GLIS3: variants seen among roughly 807,000 people sequenced by gnomAD.
GLIS3 encodes the protein zinc finger protein GLIS3.
In GLIS3, 53 loss-of-function variants were observed where a neutral mutation model predicts 78.6. The ratio of observed to expected loss-of-function variants is 0.67; its 90% CI spans 0.54 to 0.85. The LOEUF (loss-of-function observed/expected upper bound fraction) is 0.85. Ranked by LOEUF, GLIS3 falls within the 40% of genes least tolerant of loss-of-function variation. The probability of loss-of-function intolerance (pLI) is 0.00; values close to 1 mark genes in which losing one functional copy is unlikely to be tolerated. For missense variants in GLIS3, 1,703 were observed against 1,231.1 expected, an observed-to-expected ratio of 1.38 and a Z score of -5.74; for synonymous variants, 684 against 509.9, an observed-to-expected ratio of 1.34 and a Z score of -4.60.
chr9:4,419,106 C>T, the GLIS3 span, among the ~76,000 whole-genome samples: 139,793 of 152,244 alleles, frequency 0.92, 64,695 homozygotes, highest in Non-Finnish European at 0.99. Context: ...TAAAATATCT[C>T]AGAATTAGTT....
At chr9:3,865,507 C>T (rs182343397) in intron 8 of GLIS3, among the ~76,000 whole-genome samples, 8 of 152,266 alleles carry the variant, frequency 5.3e-5, no homozygotes, top group Middle Eastern at 3.4e-3. Context: ...ATATATGACT[C>T]GCTGTTTCAG....
At chr9:4,331,367 A>C (rs1332878900) in intron 2 of GLIS3, among the ~76,000 whole-genome samples, 1 of 145,858 alleles carries the variant, frequency 6.9e-6, no homozygotes, top group East Asian at 2.0e-4. Context: ...CTACAACCTC[A>C]TCTTAACTAA....
intron 2 of GLIS3, among the ~76,000 whole-genome samples, chr9:4,319,466 T>C (rs1817488904): frequency 6.6e-6 from 1 of 152,238 alleles, no homozygotes; most frequent in South Asian, 2.1e-4. Context: ...TAAGAAATGA[T>C]TTTAAACATT....
At chr9:4,249,019 T>G (rs899572457) in intron 2 of GLIS3, among the ~76,000 whole-genome samples, 1 of 152,232 alleles carries the variant, frequency 6.6e-6, no homozygotes, top group Non-Finnish European at 1.5e-5. Context: ...CCATGCTGTT[T>G]TGGTTACTAT....
chr9:4,164,148 G>A (rs1205443250), intron 2 of GLIS3, among the ~76,000 whole-genome samples: 2 of 152,142 alleles, frequency 1.3e-5, no homozygotes, highest in East Asian at 3.9e-4. Context: ...AAATGACAGT[G>A]GGTCATTTAG....
chr9:4,274,269 A>C (rs548994515), intron 2 of GLIS3, among the ~76,000 whole-genome samples: 1 of 152,192 alleles, frequency 6.6e-6, no homozygotes, highest in South Asian at 2.1e-4. Flanking sequence ...ACCAGTGCCA[A>C]ACAAAAATGC....
chr9:3,862,750 T>C (rs1288092378), intron 8 of GLIS3, among the ~76,000 whole-genome samples: 4 of 152,134 alleles, frequency 2.6e-5, no homozygotes, highest in Non-Finnish European at 5.9e-5. Flanking sequence ...TAGTTTTTCT[T>C]TCCCTCCGCC....
At chr9:4,161,778 C>T (rs900927869) in intron 2 of GLIS3, among the ~76,000 whole-genome samples, 1 of 149,970 alleles carries the variant, frequency 6.7e-6, no homozygotes, top group African/African-American at 2.5e-5. Flanking sequence ...TCCCAGGTTC[C>T]AAGCAATCCT....
chr9:4,171,478 C>T (rs1462905121), intron 2 of GLIS3, among the ~76,000 whole-genome samples: 1 of 152,050 alleles, frequency 6.6e-6, no homozygotes, highest in Admixed American at 6.5e-5. Flanking sequence ...GAAAGGAACA[C>T]AGATGGAATA....
At chr9:4,141,389 G>C (rs759620700) in intron 2 of GLIS3, among the ~76,000 whole-genome samples, 3 of 152,174 alleles carry the variant, frequency 2.0e-5, no homozygotes, top group Non-Finnish European at 4.4e-5. Flanking sequence ...AAAACCTCCT[G>C]TGTCCAAGCA....
At chr9:4,012,684 C>G (rs1016377391) in intron 4 of GLIS3, among the ~76,000 whole-genome samples, 7 of 151,952 alleles carry the variant, frequency 4.6e-5, no homozygotes, top group Non-Finnish European at 1.0e-4. Context: ...TGGACCCTAG[C>G]CACCATCTCT....
the GLIS3 span, among the ~76,000 whole-genome samples, chr9:4,383,901 C>A: frequency 6.6e-6 from 1 of 152,168 alleles, no homozygotes; most frequent in African/African-American, 2.4e-5. Context: ...AGAATAAAGG[C>A]CTTTGTTAGC....
At chr9:4,235,524 G>C (rs1454378880) in intron 2 of GLIS3, among the ~76,000 whole-genome samples, 2 of 152,148 alleles carry the variant, frequency 1.3e-5, no homozygotes, top group South Asian at 4.1e-4. Flanking sequence ...CTTTTGGTAA[G>C]TGCCAAACAG....
intron 1 of GLIS3, among the ~76,000 whole-genome samples, chr9:4,295,481 T>C (rs1458636486): frequency 2.0e-5 from 3 of 152,202 alleles, no homozygotes; most frequent in Admixed American, 1.3e-4. Flanking sequence ...TTTGACCTAA[T>C]AAAAGGTTGT....
intron 2 of GLIS3, among the ~76,000 whole-genome samples, chr9:4,273,365 C>A (rs1481567854): frequency 6.6e-6 from 1 of 152,122 alleles, no homozygotes; most frequent in Non-Finnish European, 1.5e-5. Context: ...AAGGCTGAGG[C>A]AGGAGGGTCA....
At chr9:4,284,351 C>A (rs569528464) in intron 2 of GLIS3, among the ~76,000 whole-genome samples, 3 of 152,186 alleles carry the variant, frequency 2.0e-5, no homozygotes, top group Admixed American at 2.0e-4. Flanking sequence ...AACACAAGTA[C>A]ATATAAAAGC....
chr9:4,393,803 A>G, the GLIS3 span, among the ~76,000 whole-genome samples: 1 of 152,170 alleles, frequency 6.6e-6, no homozygotes, highest in Non-Finnish European at 1.5e-5. Context: ...AGTAATGTTA[A>G]CTTTGATTAG....
chr9:4,341,248 C>T lies in GLIS3; in HGVS notation n.264+5833G>A, dbSNP rs935986129. On this transcript the variant is annotated intron_variant and non_coding_transcript_variant, in intron 2 of 4. Transcript: ENST00000471664. ...CCACTTCTTCTTCAGCCATTTCCAACCTATCTGGCATCACTGGAGCTTAAA... is the reference window on the plus strand; with the variant it reads ...CCACTTCTTCTTCAGCCATTTCCAATCTATCTGGCATCACTGGAGCTTAAA... Among the ~76,000 whole-genome samples the T allele has an allele frequency of 2.0e-5, 3 of 152,214 alleles. No individual in the cohort carries two copies. The South Asian group carries it at 6.2e-4, about 31-fold the overall frequency.
intron 4 of GLIS3, among the ~76,000 whole-genome samples, chr9:3,956,645 T>C (rs1322769734): frequency 6.6e-6 from 1 of 152,192 alleles, no homozygotes; most frequent in Non-Finnish European, 1.5e-5. Context: ...TTGTTTTGTT[T>C]TGTTTTGTTT....
Sources: gnomAD v4.1 joint callset for allele counts (sites outside exome capture counted in the v4.1 genomes callset) on GRCh38, gnomAD v4.1.1 for gene constraint, MANE v1.5 for transcripts, NCBI Gene and HGNC (gene_info 2026-07-23, HGNC 2026-07-21) for gene names.